Variants in ENTREP2 observed in about 807,000 individuals in gnomAD.
ENTREP2 encodes protein ENTREP2.
chr15:29,303,253 G>A, the ENTREP2 span, among the ~76,000 whole-genome samples: 17,481 of 152,192 alleles, frequency 0.11, 1,292 homozygotes, highest in African/African-American at 0.22. Flanking sequence ...CACTTAGTTT[G>A]TATTTGTTTG....
chr15:29,123,059 C>T, the ENTREP2 span: 1 of 415,784 alleles, frequency 2.4e-6, no homozygotes, highest in Non-Finnish European at 4.3e-6. Flanking sequence ...GTGCTGCACG[C>T]CAGATAAAAC....
chr15:29,179,256 TTCCTCCTGGAC>T, the ENTREP2 span, among the ~76,000 whole-genome samples: 8 of 152,254 alleles, frequency 5.3e-5, no homozygotes, highest in South Asian at 2.1e-4. Context: ...CAATTTCATT[TTCCTCCTGGAC>T]AGTGCAAGAA....
At chr15:29,668,297 AG>A in the ENTREP2 span, among the ~76,000 whole-genome samples, 6 of 152,302 alleles carry the variant, frequency 3.9e-5, no homozygotes, top group Admixed American at 3.9e-4. Context: ...CCAATCACAA[AG>A]CAGAAAAGGA....
chr15:29,424,813 C>T, the ENTREP2 span, among the ~76,000 whole-genome samples: 1 of 152,170 alleles, frequency 6.6e-6, no homozygotes, highest in Non-Finnish European at 1.5e-5. Flanking sequence ...CTACCAAAAT[C>T]CTCGCCAGTG....
chr15:29,309,939 T>C, the ENTREP2 span, among the ~76,000 whole-genome samples: 93 of 152,232 alleles, frequency 6.1e-4, no homozygotes, highest in Non-Finnish European at 1.0e-3. Flanking sequence ...GGACTGAGAC[T>C]GTCAGAGGGA....
At chr15:29,573,641 C>T in the ENTREP2 span, among the ~76,000 whole-genome samples, 21 of 150,516 alleles carry the variant, frequency 1.4e-4, no homozygotes, top group East Asian at 3.5e-3. Context: ...CTCTCTCTCT[C>T]CCCCCCTCTC....
the ENTREP2 span, among the ~76,000 whole-genome samples, chr15:29,289,295 T>C: frequency 6.6e-6 from 1 of 151,872 alleles, no homozygotes; most frequent in Non-Finnish European, 1.5e-5. Context: ...AAATGTCAAG[T>C]AAGCATGAAA....
At chr15:29,196,319 C>G in the ENTREP2 span, 5 of 1,219,604 alleles carry the variant, frequency 4.1e-6, no homozygotes, top group South Asian at 7.9e-5. Flanking sequence ...TGCACTGAAC[C>G]TACCCCGGGA....
the ENTREP2 span, among the ~76,000 whole-genome samples, chr15:29,489,198 T>C: frequency 6.6e-6 from 1 of 152,176 alleles, no homozygotes; most frequent in Admixed American, 6.5e-5. Flanking sequence ...TCACAGGCAG[T>C]AGCAGAAGCA....
At chr15:29,216,401 C>T in the ENTREP2 span, among the ~76,000 whole-genome samples, 1 of 152,154 alleles carries the variant, frequency 6.6e-6, no homozygotes, top group African/African-American at 2.4e-5. Flanking sequence ...TCTTAAGATT[C>T]TTTCCTTTGT....
the ENTREP2 span, among the ~76,000 whole-genome samples, chr15:29,141,277 G>C: frequency 6.6e-6 from 1 of 152,336 alleles, no homozygotes; most frequent in East Asian, 1.9e-4. Context: ...GGCCCTGCCT[G>C]GGCACTGAGG....
At chr15:29,173,582 T>C in the ENTREP2 span, among the ~76,000 whole-genome samples, 1 of 152,038 alleles carries the variant, frequency 6.6e-6, no homozygotes, top group African/African-American at 2.4e-5. Context: ...TCCGCCAGGG[T>C]GTGCAGAGCC....
chr15:29,150,673 G>T, the ENTREP2 span, among the ~76,000 whole-genome samples: 11 of 152,148 alleles, frequency 7.2e-5, no homozygotes, highest in African/African-American at 2.7e-4. Context: ...CCGGGAGGGA[G>T]AGACTCCCAT....
chr15:29,571,451 G>T, the ENTREP2 span, among the ~76,000 whole-genome samples: 6 of 150,912 alleles, frequency 4.0e-5, no homozygotes, highest in Admixed American at 2.0e-4. Context: ...TGGCGAACAG[G>T]AGCCTCTTGA....
At chr15:29,206,222 G>A in the ENTREP2 span, among the ~76,000 whole-genome samples, 3 of 152,156 alleles carry the variant, frequency 2.0e-5, no homozygotes, top group South Asian at 2.1e-4. Flanking sequence ...ATGGATCACT[G>A]TGTCCTCACC....
the ENTREP2 span, among the ~76,000 whole-genome samples, chr15:29,663,629 C>T: frequency 1.3e-5 from 2 of 152,036 alleles, no homozygotes; most frequent in South Asian, 2.1e-4. Context: ...AACCAAACAC[C>T]GCATGTTCTC....
the ENTREP2 span, among the ~76,000 whole-genome samples, chr15:29,539,514 G>A: frequency 6.6e-6 from 1 of 152,068 alleles, no homozygotes; most frequent in Non-Finnish European, 1.5e-5. Flanking sequence ...CATGGACGGT[G>A]AGGAGTCCAC....
At chr15:29,557,829 G>T in the ENTREP2 span, among the ~76,000 whole-genome samples, 1 of 152,136 alleles carries the variant, frequency 6.6e-6, no homozygotes, top group Non-Finnish European at 1.5e-5. Context: ...CCCTCACTGG[G>T]AACTCTCAGG....
At chr15:29,453,676 T>C in the ENTREP2 span, among the ~76,000 whole-genome samples, 2 of 152,220 alleles carry the variant, frequency 1.3e-5, no homozygotes, top group East Asian at 1.9e-4. Context: ...CACCAGGAAA[T>C]AACCACTGCT....
Sources: allele counts gnomAD v4.1 joint callset (sites outside exome capture counted in the v4.1 genomes callset), GRCh38; gene constraint gnomAD v4.1.1; transcripts MANE v1.5; gene names NCBI Gene and HGNC (gene_info 2026-07-23, HGNC 2026-07-21).